The following ITPR3 variants were observed in gnomAD, a reference collection of about 807,000 sequenced individuals.
The protein encoded by ITPR3 is inositol 1,4,5-trisphosphate receptor type 3.
A neutral mutation model predicts 293.2 loss-of-function variants in ITPR3; 173 were observed. That is an observed-to-expected ratio of 0.59 (90% CI 0.52 to 0.67). ITPR3 has a LOEUF of 0.67. ITPR3 is among the 30% of genes least tolerant of loss of function. The pLI is 0.00. For missense variants in ITPR3, 2,796 were observed against 3,592.1 expected, an observed-to-expected ratio of 0.78 and a Z score of 5.66; for synonymous variants, 1,295 against 1,444.4, an observed-to-expected ratio of 0.90 and a Z score of 2.35.
rs899484859 is a variant in ITPR3 at position 33,685,401 on chromosome 6, C to T, written c.5350C>T (p.Arg1784Cys). The stretch of plus-strand genomic sequence containing the variant: ...GATGATGAGTGACAAGAAGTCAGAG[C>T]GCTTCTTCAAGGTGCTGCACGACCG... ...NLMMSDKKSE[R>C]FFKVLHDRMK... is the part of the protein sequence containing the mutation. The change falls in exon 40 of 58, where the codon CGC (arginine) becomes TGC (cysteine). Residue 1784 changes from arginine to cysteine, a missense_variant. Coordinates refer to ENST00000605930, the MANE Select transcript of ITPR3 (RefSeq NM_002224.4). The T allele has an allele frequency of 4.3e-6, 7 of 1,613,964 alleles. No individual in the cohort carries two copies. The highest frequency in any genetic ancestry group is 1.3e-5 in the African/African-American group (1 of 75,058).
At chr6:33,688,966 G>A (rs1034442414) in intron 49 of ITPR3, among the ~76,000 whole-genome samples, 185 bp downstream of exon 49, 1 of 152,226 alleles carries the variant, frequency 6.6e-6, no homozygotes, top group African/African-American at 2.4e-5. Context: ...CAAAGGGGAT[G>A]GTCAGGGTCT....
At chr6:33,648,443 T>C (rs1764117198) in intron 2 of ITPR3, among the ~76,000 whole-genome samples, 2 of 152,118 alleles carry the variant, frequency 1.3e-5, no homozygotes, top group South Asian at 4.1e-4. Flanking sequence ...TTTCATGACC[T>C]GCTCTTCCAT....
intron 41 of ITPR3, 38 bp from the exon 42 acceptor site, chr6:33,686,015 T>C (rs1225240762): frequency 6.2e-7 from 1 of 1,608,430 alleles, no homozygotes; most frequent in Non-Finnish European, 8.5e-7. Flanking sequence ...CTCTCCGTGC[T>C]GTAGCTGTGC....
At position 33,679,509 on chromosome 6, in the gene ITPR3, C is replaced by T. The variant is rs1007696943; in HGVS notation, c.3973-373C>T. Among the ~76,000 whole-genome samples the T allele has an allele frequency of 2.6e-5, 4 of 152,200 alleles. No individual in the cohort carries two copies. The highest frequency in any genetic ancestry group is 1.9e-4 in the East Asian group (1 of 5,204). ...ATTATATTACTGCGAATAATGCAGTCGCTGGCACGAGAGGTGTGTGCTCAG... is the reference window on the plus strand; with the variant it reads ...ATTATATTACTGCGAATAATGCAGTTGCTGGCACGAGAGGTGTGTGCTCAG... On this transcript the variant is annotated intron_variant, in intron 30 of 57. Coordinates refer to ENST00000605930, the MANE Select transcript of ITPR3 (RefSeq NM_002224.4). The surrounding 1 kb of genome is among the most constrained non-coding windows in gnomAD (Gnocchi z 4.2).
intron 24 of ITPR3, 52 bp downstream of exon 24, chr6:33,674,317 C>G (rs1187219547): frequency 6.4e-7 from 1 of 1,567,076 alleles, no homozygotes; most frequent in Non-Finnish European, 8.8e-7. Flanking sequence ...GGCTCGACAC[C>G]CCCTCTTGGT....
chr6:33,696,275 G>A lies in ITPR3; in HGVS notation c.*495G>A, dbSNP rs899951260. The A allele has an allele frequency of 4.2e-5, 7 of 165,904 alleles. No individual in the cohort carries two copies. The highest frequency in any genetic ancestry group is 1.7e-4 in the Admixed American group (3 of 18,024). 10.3% of individuals were successfully genotyped at this position (165,904 alleles called of 1,614,324 possible). On this transcript the variant is annotated 3_prime_UTR_variant, in exon 58 of 58. Coordinates refer to ENST00000605930, the MANE Select transcript of ITPR3 (RefSeq NM_002224.4). ...TGCCCATGGCTGTGCAGCTCCCTCCGTGCCTCAGATCTGCTGTAGCCAGTG... is the reference window on the plus strand; with the variant it reads ...TGCCCATGGCTGTGCAGCTCCCTCCATGCCTCAGATCTGCTGTAGCCAGTG...
At chr6:33,641,963 T>G (rs1406923186) in intron 2 of ITPR3, among the ~76,000 whole-genome samples, 1 of 152,216 alleles carries the variant, frequency 6.6e-6, no homozygotes, top group African/African-American at 2.4e-5. Flanking sequence ...TATTTGTGTT[T>G]GCCATTTTTC....
In ITPR3 at chr6:33,683,446, TCAGCAGCTC is replaced by T; in HGVS notation, c.4788+51_4788+59del. On this transcript the variant is annotated intron_variant, in intron 35 of 57. Coordinates refer to ENST00000605930, the MANE Select transcript of ITPR3 (RefSeq NM_002224.4). This position sits in a 1 kb window ranked among gnomAD's most constrained non-coding sequence, Gnocchi z 4.5. Reference sequence around the variant, plus strand: ...CTGCCTCGGGAGCTGCTTGGTTGAGTCAGCAGCTCCCCTACTTTGGAGGGGCAAGTTCTC... The same window carrying T: ...CTGCCTCGGGAGCTGCTTGGTTGAGTCCCTACTTTGGAGGGGCAAGTTCTC... 1.4e-6 allele frequency: 2 copies of T among 1,387,194 alleles called. No individual in the cohort carries two copies. Among genetic ancestry groups the T allele is most frequent in the Non-Finnish European group, 1.9e-6 (2 of 1,041,320 alleles). 85.9% of individuals were successfully genotyped at this position (1,387,194 alleles called of 1,614,324 possible). A position where few individuals can be genotyped will look rare whatever the true frequency, so the allele number is the denominator to read the frequency against.
At chr6:33,663,156 T>TATTGGATATCA (rs1764519166) in intron 9 of ITPR3, 150 bp downstream of exon 9, 1 of 681,072 alleles carries the variant, frequency 1.5e-6, no homozygotes, top group South Asian at 1.8e-5. Context: ...TATTATCAAA[T>TATTGGATATCA]AAAGGCATGA....
At chr6:33,642,389 G>A (rs1763970971) in intron 2 of ITPR3, among the ~76,000 whole-genome samples, 2 of 152,192 alleles carry the variant, frequency 1.3e-5, no homozygotes, top group South Asian at 2.1e-4. Context: ...TCTAGTTCTT[G>A]GAAAGAACTT....
At chr6:33,662,697 C>G (rs557492513) in intron 8 of ITPR3, 23 bp downstream of exon 8, 1 of 1,602,244 alleles carries the variant, frequency 6.2e-7, no homozygotes, top group South Asian at 1.1e-5. Flanking sequence ...CTGCTTCTGG[C>G]ACCCCGGACT....
chr6:33,688,498 C>T (rs1259518878), intron 48 of ITPR3, 67 bp downstream of exon 48: 8 of 1,496,702 alleles, frequency 5.3e-6, no homozygotes, highest in Non-Finnish European at 6.2e-6. Context: ...TTATAACGGC[C>T]TCCTTTGCCT....
chr6:33,665,219 C>G lies in ITPR3; in HGVS notation c.1409+6C>G, dbSNP rs1561865749. 5 of 1,611,826 alleles carry G rather than the reference C, an allele frequency of 3.1e-6. No individual in the cohort carries two copies. The African/African-American group carries it at 5.3e-5, about 17-fold the overall frequency. ...ATCAGCCAGAATGACCGCAGGTGGG[C>G]TGCAGTGGCACAGGGGTTTTCTGAG... On this transcript the variant is annotated splice_donor_region_variant and intron_variant, in intron 13 of 57. Coordinates refer to ENST00000605930, the MANE Select transcript of ITPR3 (RefSeq NM_002224.4).
At chr6:33,678,108 A>G (rs141811916) in intron 28 of ITPR3, among the ~76,000 whole-genome samples, 2 of 151,552 alleles carry the variant, frequency 1.3e-5, no homozygotes, top group African/African-American at 2.4e-5. Flanking sequence ...CCTGACTCCA[A>G]TCTTAGTCTC....
rs1347956457 is a variant in ITPR3 at position 33,654,833 on chromosome 6, C to T, written c.161-933C>T. Among the ~76,000 whole-genome samples the T allele has an allele frequency of 6.6e-6, 1 of 152,164 alleles. No individual in the cohort carries two copies. Among genetic ancestry groups the T allele is most frequent in the Non-Finnish European group, 1.5e-5 (1 of 68,020 alleles). Reference sequence around the variant, plus strand: ...ATGGGGAGCTCACTGCTTCCCAGCCCAGCCCAGGCTATTGTCACACAGGCC... The same window carrying T: ...ATGGGGAGCTCACTGCTTCCCAGCCTAGCCCAGGCTATTGTCACACAGGCC... On this transcript the variant is annotated intron_variant, in intron 2 of 57. Coordinates refer to ENST00000605930, the MANE Select transcript of ITPR3 (RefSeq NM_002224.4). This position sits in a 1 kb window ranked among gnomAD's most constrained non-coding sequence, Gnocchi z 4.1.
chr6:33,640,394 TG>T (rs1763920133), intron 1 of ITPR3, 89 bp from the exon 2 acceptor site: 1 of 1,200,254 alleles, frequency 8.3e-7, no homozygotes, highest in East Asian at 2.5e-5. Flanking sequence ...AGGGGCTCAC[TG>T]GTACCCTGGC....
intron 56 of ITPR3, 140 bp from the exon 57 acceptor site, chr6:33,694,784 C>T (rs1765493149): frequency 1.8e-6 from 2 of 1,088,056 alleles, no homozygotes; most frequent in African/African-American, 3.2e-5. Context: ...CAGGTCAATT[C>T]AGATTTTCCC....
Position 33,658,420 on chromosome 6 carries a change from T to A in ITPR3, c.370-250T>A, listed in dbSNP as rs1764367938. Among the ~76,000 whole-genome samples the A allele has an allele frequency of 6.6e-6, 1 of 152,190 alleles. No individual in the cohort carries two copies. The highest frequency in any genetic ancestry group is 1.5e-5 in the Non-Finnish European group (1 of 68,022). On this transcript the variant is annotated intron_variant, in intron 4 of 57. Transcript: ENST00000605930. The surrounding 1 kb of genome is among the most constrained non-coding windows in gnomAD (Gnocchi z 6.1). ...GTTGTAGGTTACTTGAGCTAATCTA[T>A]GTAAAGTATTTAGAACAGCCTCTTT...
Position 33,684,205 on chromosome 6 carries a change from G to C in ITPR3, c.4937+37G>C. On this transcript the variant is annotated intron_variant, in intron 36 of 57. Coordinates refer to ENST00000605930, the MANE Select transcript of ITPR3 (RefSeq NM_002224.4). The surrounding 1 kb of genome is among the most constrained non-coding windows in gnomAD (Gnocchi z 4.2). ...ACTGGGGCATGGGGGCAGCAGGGGT[G>C]CAGCGGCAGGGGACAGAGAAGGGCC... 1 of 1,604,658 alleles carries C rather than the reference G, an allele frequency of 6.2e-7. No individual in the cohort carries two copies. The highest frequency in any genetic ancestry group is 8.5e-7 in the Non-Finnish European group (1 of 1,177,048).
Sources: allele counts gnomAD v4.1 joint callset (sites outside exome capture counted in the v4.1 genomes callset), GRCh38; gene constraint gnomAD v4.1.1; non-coding constraint Gnocchi (gnomAD v3.1); transcripts MANE v1.5; gene names NCBI Gene and HGNC (gene_info 2026-07-23, HGNC 2026-07-21).